The following LIPA variants were observed in gnomAD, a reference collection of about 807,000 sequenced individuals.
LIPA encodes the protein lysosomal acid lipase/cholesteryl ester hydrolase.
Under a neutral mutation model 40.6 loss-of-function variants are expected in LIPA, and 26 were observed. The observed-to-expected ratio is 0.64, with a 90% CI of 0.47 to 0.89. The LOEUF (loss-of-function observed/expected upper bound fraction) is 0.89. Among genes scored for constraint, LIPA ranks in the 40% least tolerant of loss-of-function variants. The pLI is 0.00. For missense variants in LIPA, 455 were observed against 479.6 expected (o/e 0.95, Z 0.48); for synonymous variants, 188 against 168.4 (o/e 1.12, Z -0.90).
intron 2 of LIPA, among the ~76,000 whole-genome samples, chr10:89,358,462 C>T (rs79170103): frequency 0.011 from 1,742 of 152,214 alleles, 28 homozygotes; most frequent in African/African-American, 0.04. Flanking sequence ...GTTATCAAAG[C>T]GATATCTGTA....
intron 2 of LIPA, among the ~76,000 whole-genome samples, chr10:89,401,414 C>T (rs546537372): frequency 6.6e-6 from 1 of 152,208 alleles, no homozygotes; most frequent in South Asian, 2.1e-4. Context: ...AGCCACCGCA[C>T]CCAGCCTATA....
chr10:89,352,788 T>TAAAAAAAAAAA (rs34514402), intron 2 of LIPA, among the ~76,000 whole-genome samples: 2 of 113,144 alleles, frequency 1.8e-5, no homozygotes. Context: ...ACTACAAAGA[T>TAAAAAAAAAAA]AAAAAAAAAA....
chr10:89,349,499 A>G (rs1046670131), intron 2 of LIPA, among the ~76,000 whole-genome samples: 3 of 152,220 alleles, frequency 2.0e-5, no homozygotes, highest in Non-Finnish European at 4.4e-5. Context: ...CTCAAAAGAT[A>G]TAGGGAAAAT....
At chr10:89,403,655 T>C (rs1452093234) in intron 2 of LIPA, 1 of 1,612,170 alleles carries the variant, frequency 6.2e-7, no homozygotes, top group African/African-American at 1.3e-5. Context: ...TGGAGTACTA[T>C]GAGCGGGCCC....
chr10:89,384,725 A>G, intron 2 of LIPA: 1 of 1,607,136 alleles, frequency 6.2e-7, no homozygotes, highest in South Asian at 1.1e-5. Flanking sequence ...GCTGACCTGA[A>G]CCCTATATTT....
At chr10:89,345,096 G>A (rs569704588), upstream of LIPA, among the ~76,000 whole-genome samples, 1 of 151,988 alleles carries the variant, frequency 6.6e-6, no homozygotes, top group East Asian at 1.9e-4. Flanking sequence ...AAACCTGGCA[G>A]GTAGAGGTTG....
At chr10:89,380,780 T>C (rs933606837) in intron 2 of LIPA, among the ~76,000 whole-genome samples, 4 of 152,220 alleles carry the variant, frequency 2.6e-5, no homozygotes, top group African/African-American at 4.8e-5. Context: ...ACTTTCTGTA[T>C]GCTCACCAGA....
intron 1 of LIPA, among the ~76,000 whole-genome samples, chr10:89,325,648 A>C (rs1843594088): frequency 6.6e-6 from 1 of 152,214 alleles, no homozygotes; most frequent in African/African-American, 2.4e-5. Context: ...CTCACTTATA[A>C]GTGGGAACTG....
chr10:89,227,715 C>CT (rs1467092752), intron 4 of LIPA, among the ~76,000 whole-genome samples: 6 of 152,158 alleles, frequency 3.9e-5, no homozygotes, highest in African/African-American at 1.4e-4. Context: ...CTCCTTTAAG[C>CT]CCCCAGTGAC....
At chr10:89,306,370 T>C (rs1342104555) in intron 1 of LIPA, 7 of 1,613,998 alleles carry the variant, frequency 4.3e-6, no homozygotes, top group Non-Finnish European at 5.1e-6. Flanking sequence ...GTCCAGAGCT[T>C]GACTGTGAGG....
chr10:89,298,458 A>G (rs1273646641), intron 1 of LIPA, among the ~76,000 whole-genome samples: 2 of 152,218 alleles, frequency 1.3e-5, no homozygotes, highest in East Asian at 3.8e-4. Flanking sequence ...TACCATGCAC[A>G]CTCAGAATCA....
At chr10:89,414,024 T>C (rs961387768) in intron 1 of LIPA, among the ~76,000 whole-genome samples, 2 of 152,234 alleles carry the variant, frequency 1.3e-5, no homozygotes, top group Non-Finnish European at 1.5e-5. Context: ...CTCTTGTCTT[T>C]ATTGGGTCCT....
At chr10:89,219,298 A>G (rs547908484) in intron 8 of LIPA, among the ~76,000 whole-genome samples, 2 of 152,280 alleles carry the variant, frequency 1.3e-5, no homozygotes, top group South Asian at 4.1e-4. Flanking sequence ...TATTTTTAAT[A>G]GCACCTTAGG....
chr10:89,362,737 AG>A, intron 2 of LIPA: 1 of 743,220 alleles, frequency 1.3e-6, no homozygotes, highest in Non-Finnish European at 2.1e-6. Flanking sequence ...ATGAACTGTG[AG>A]GAAGGATGGG....
intron 2 of LIPA, among the ~76,000 whole-genome samples, chr10:89,386,406 G>T (rs1363061106): frequency 6.6e-6 from 1 of 152,164 alleles, no homozygotes; most frequent in Non-Finnish European, 1.5e-5. Flanking sequence ...CAACTTTGTT[G>T]ATAGTAAACA....
upstream of LIPA, among the ~76,000 whole-genome samples, chr10:89,343,216 A>G (rs1360596624): frequency 3.3e-5 from 5 of 152,250 alleles, no homozygotes; most frequent in African/African-American, 1.2e-4. Flanking sequence ...CCAAAGATCC[A>G]GGGAAAACTG....
chr10:89,384,375 C>G (rs559608501), intron 2 of LIPA: 1 of 1,614,096 alleles, frequency 6.2e-7, no homozygotes, highest in South Asian at 1.1e-5. Context: ...CAGAAATAGG[C>G]CACCACAGAA....
chr10:89,393,899 AAAT>A (rs1686460768), intron 2 of LIPA, among the ~76,000 whole-genome samples: 1 of 152,200 alleles, frequency 6.6e-6, no homozygotes, highest in Non-Finnish European at 1.5e-5. Context: ...CTGATAATTA[AAAT>A]AATAATAATA....
At chr10:89,403,669 G>C (rs201342263) in intron 2 of LIPA, 1 of 1,605,276 alleles carries the variant, frequency 6.2e-7, no homozygotes, top group Non-Finnish European at 8.5e-7. Flanking sequence ...CGGGCCCTGA[G>C]ACTGGCTGCT....
Sources: allele counts gnomAD v4.1 joint callset (sites outside exome capture counted in the v4.1 genomes callset), GRCh38; gene constraint gnomAD v4.1.1; transcripts MANE v1.5; gene names NCBI Gene and HGNC (gene_info 2026-07-23, HGNC 2026-07-21).